Variants in NALF1 observed in about 807,000 individuals in gnomAD.
NALF1 encodes family with sequence similarity 155 member A.
Under a neutral mutation model 48.4 loss-of-function variants are expected in NALF1, and 3 were observed. That is an observed-to-expected ratio of 0.06 (90% confidence interval 0.03 to 0.16). NALF1 has a LOEUF of 0.16. Ranked by LOEUF, NALF1 falls within the 10% of genes least tolerant of loss-of-function variation. NALF1 has a pLI of 1.00. For synonymous variants in NALF1, 262 were observed against 245.7 expected (o/e 1.07, Z -0.62); for missense variants, 526 against 571.5 (o/e 0.92, Z 0.81).
intron 1 of NALF1, among the ~76,000 whole-genome samples, chr13:107,428,362 C>A (rs906837878): frequency 1.3e-5 from 2 of 152,188 alleles, no homozygotes; most frequent in Non-Finnish European, 2.9e-5. Context: ...CAATCTAGAC[C>A]CAGCATTTGG....
chr13:107,471,454 C>A (rs984212872), intron 1 of NALF1, among the ~76,000 whole-genome samples: 2 of 152,068 alleles, frequency 1.3e-5, no homozygotes, highest in Non-Finnish European at 2.9e-5. Context: ...TAGGCAGGGG[C>A]AGCTGGTCAG....
chr13:107,210,729 G>A lies in NALF1; in HGVS notation c.942C>T (p.Ser314=). Residue 314 remains serine (S), a synonymous_variant, in exon 2 of 3, where the codon TCC becomes TCT. Transcript: ENST00000375915. ...CKIVYKAWLC[S]QYFEVTQFNC... ...TAAACTGTGTGACTTCAAAATACTG[G>A]GAACAGAGCCAGGCTTTGTAGACAA... The A allele has an allele frequency of 6.2e-7, 1 of 1,612,664 alleles. No homozygotes were observed. Among genetic ancestry groups the A allele is most frequent in the Non-Finnish European group, 8.5e-7 (1 of 1,178,772 alleles).
rs1266574494 is a variant in NALF1 at position 107,170,271 on chromosome 13, T to G, written c.*226A>C. On this transcript the variant is annotated 3_prime_UTR_variant, in exon 3 of 3. Transcript: ENST00000375915. ...AAAACCTCCAAACATTAAAACACAG[T>G]GTATAAAATGGTGTGAGAAATTTAA... The G allele has an allele frequency of 4.4e-6, 2 of 459,138 alleles. No homozygotes were observed. Among genetic ancestry groups the G allele is most frequent in the Non-Finnish European group, 7.7e-6 (2 of 259,626 alleles). 28.4% of individuals were successfully genotyped at this position (459,138 alleles called of 1,614,324 possible). A position where few individuals can be genotyped will look rare whatever the true frequency, so the allele number is the denominator to read the frequency against.
intron 1 of NALF1, among the ~76,000 whole-genome samples, chr13:107,668,341 T>A (rs1369796238): frequency 6.6e-6 from 1 of 152,032 alleles, no homozygotes; most frequent in Non-Finnish European, 1.5e-5. Flanking sequence ...CTTCCGTATC[T>A]TGATGAGGCC....
rs1235410969 is a variant in NALF1, at chr13:107,706,415, A to G, written c.915+159267T>C. 5.3e-5 allele frequency among the ~76,000 whole-genome samples: 8 copies of G among 152,334 alleles called. No individual in the cohort carries two copies. In the East Asian group the frequency reaches 1.5e-3, roughly 29 times the overall value. ...GTTACTTCACTAAGCCTAATAAGAC[A>G]TTATAGTATATTAAGATTTCTCACA... On this transcript the variant is annotated intron_variant, in intron 1 of 2. Coordinates refer to ENST00000375915, the MANE Select transcript of NALF1 (RefSeq NM_001080396.3).
chr13:107,572,059 C>T (rs1878001635), intron 1 of NALF1, among the ~76,000 whole-genome samples: 1 of 152,088 alleles, frequency 6.6e-6, no homozygotes, highest in African/African-American at 2.4e-5. Context: ...CTATTAATAT[C>T]CTAAAACCAT....
At chr13:107,330,096 T>C (rs1405666735) in intron 1 of NALF1, among the ~76,000 whole-genome samples, 1 of 152,122 alleles carries the variant, frequency 6.6e-6, no homozygotes. Context: ...GACCCTAGGC[T>C]CAGGCCTCCT....
intron 1 of NALF1, among the ~76,000 whole-genome samples, chr13:107,759,714 C>T (rs1384838393): frequency 6.6e-6 from 1 of 152,188 alleles, no homozygotes; most frequent in Non-Finnish European, 1.5e-5. Flanking sequence ...GTGTCTCTGT[C>T]CATCCTCTCT....
intron 1 of NALF1, among the ~76,000 whole-genome samples, chr13:107,731,606 A>G (rs897880810): frequency 3.9e-5 from 6 of 152,056 alleles, no homozygotes; most frequent in Non-Finnish European, 7.4e-5. Context: ...CTATGTGTCC[A>G]TGTGTTCTCA....
At chr13:107,178,567 A>T (rs927636483) in intron 2 of NALF1, among the ~76,000 whole-genome samples, 6 of 152,192 alleles carry the variant, frequency 3.9e-5, no homozygotes, top group Admixed American at 3.9e-4. Flanking sequence ...AATGCTGGTG[A>T]GGTTGTGGGG....
intron 1 of NALF1, among the ~76,000 whole-genome samples, chr13:107,492,450 C>T (rs531835461): frequency 2.0e-5 from 3 of 152,032 alleles, no homozygotes; most frequent in South Asian, 2.1e-4. Context: ...CTCTTGTTGC[C>T]GCACATATTC....
At chr13:107,741,414 G>T (rs1876629373) in intron 1 of NALF1, among the ~76,000 whole-genome samples, 1 of 152,094 alleles carries the variant, frequency 6.6e-6, no homozygotes, top group South Asian at 2.1e-4. Context: ...ATATATAAAG[G>T]ATAAATGCTT....
intron 1 of NALF1, among the ~76,000 whole-genome samples, chr13:107,329,858 C>T (rs1430428270): frequency 1.3e-5 from 2 of 152,108 alleles, no homozygotes; most frequent in Admixed American, 6.6e-5. Flanking sequence ...GGCTGCATAG[C>T]TACTTTTCCA....
intron 1 of NALF1, among the ~76,000 whole-genome samples, chr13:107,400,088 C>T (rs1365597692): frequency 3.3e-5 from 5 of 152,082 alleles, no homozygotes; most frequent in Admixed American, 6.6e-5. Context: ...TATACCTCAA[C>T]TTCAGAACTG....
At chr13:107,769,388 T>C (rs917922617) in intron 1 of NALF1, among the ~76,000 whole-genome samples, 4 of 147,358 alleles carry the variant, frequency 2.7e-5, no homozygotes, top group African/African-American at 1.0e-4. Flanking sequence ...ATGTCCTTTG[T>C]AGGGACGTGG....
intron 1 of NALF1, among the ~76,000 whole-genome samples, chr13:107,276,730 G>T (rs1594100857): frequency 6.6e-6 from 1 of 151,938 alleles, no homozygotes; most frequent in East Asian, 1.9e-4. Context: ...CATCTGACAA[G>T]GGATTAATAA....
intron 1 of NALF1, among the ~76,000 whole-genome samples, chr13:107,340,506 T>TTTA (rs1433669688): frequency 3.8e-5 from 5 of 130,864 alleles, no homozygotes; most frequent in African/African-American, 1.5e-4. Flanking sequence ...TCTTTCTTTC[T>TTTA]TTTCTTTCTT....
chr13:107,713,001 C>T (rs1875649713), intron 1 of NALF1, among the ~76,000 whole-genome samples: 2 of 152,154 alleles, frequency 1.3e-5, no homozygotes, highest in Admixed American at 1.3e-4. Flanking sequence ...GGGGAGCGAG[C>T]CCTTCTCCTT....
At chr13:107,560,146 C>A (rs1019591241) in intron 1 of NALF1, among the ~76,000 whole-genome samples, 1 of 152,120 alleles carries the variant, frequency 6.6e-6, no homozygotes, top group Non-Finnish European at 1.5e-5. Context: ...GACTTTGAAA[C>A]GCCCGTAGAA....
Sources: allele counts gnomAD v4.1 joint callset (sites outside exome capture counted in the v4.1 genomes callset), GRCh38; gene constraint gnomAD v4.1.1; transcripts MANE v1.5; gene names NCBI Gene and HGNC (gene_info 2026-07-23, HGNC 2026-07-21).